Variants in STXBP5L observed in about 807,000 individuals in gnomAD.
The protein encoded by STXBP5L is syntaxin binding protein 5L.
Under a neutral mutation model 144.5 loss-of-function variants are expected in STXBP5L, and 65 were observed. The observed-to-expected ratio is 0.45, with a 90% CI of 0.37 to 0.55. STXBP5L has a LOEUF of 0.55. Among genes scored for constraint, STXBP5L ranks in the 20% least tolerant of loss-of-function variants. The probability of loss-of-function intolerance (pLI) is 0.00; values close to 1 mark genes in which losing one functional copy is unlikely to be tolerated. For synonymous variants in STXBP5L, 505 were observed against 469.6 expected (o/e 1.08, Z -0.97); for missense variants, 1,298 against 1,405.5 (o/e 0.92, Z 1.22).
intron 2 of STXBP5L, among the ~76,000 whole-genome samples, chr3:120,954,406 C>G (rs1395994101): frequency 6.6e-6 from 1 of 152,028 alleles, no homozygotes; most frequent in Non-Finnish European, 1.5e-5. Context: ...AACTACTGTT[C>G]TGATTTTATA....
intron 5 of STXBP5L, among the ~76,000 whole-genome samples, chr3:121,089,205 T>TC (rs1213355783): frequency 6.6e-6 from 1 of 151,234 alleles, no homozygotes; most frequent in East Asian, 1.9e-4. Flanking sequence ...GTCTCTTTTT[T>TC]CCCATACTTG....
chr3:120,968,629 GT>G (rs1277892305), intron 3 of STXBP5L, among the ~76,000 whole-genome samples: 1 of 152,066 alleles, frequency 6.6e-6, no homozygotes, highest in Non-Finnish European at 1.5e-5. Flanking sequence ...ACATAGATAA[GT>G]TTTTTAGTGG....
intron 2 of STXBP5L, among the ~76,000 whole-genome samples, chr3:120,949,061 C>T (rs925117785): frequency 5.9e-5 from 9 of 151,902 alleles, no homozygotes; most frequent in African/African-American, 1.7e-4. Context: ...CACATCCACG[C>T]CAACATCTAT....
intron 14 of STXBP5L, among the ~76,000 whole-genome samples, chr3:121,246,056 G>C (rs771660622): frequency 6.6e-6 from 1 of 152,138 alleles, no homozygotes; most frequent in Non-Finnish European, 1.5e-5. Context: ...CAACCCCTGG[G>C]CTGCAGACCA....
At chr3:121,127,112 A>G (rs2044743704) in intron 7 of STXBP5L, among the ~76,000 whole-genome samples, 1 of 148,572 alleles carries the variant, frequency 6.7e-6, no homozygotes, top group African/African-American at 2.6e-5. Flanking sequence ...TTACTGATTT[A>G]CCAAATCCCA....
chr3:121,352,540 A>T (rs576393266), intron 20 of STXBP5L, among the ~76,000 whole-genome samples: 3 of 152,208 alleles, frequency 2.0e-5, no homozygotes, highest in East Asian at 1.9e-4. Flanking sequence ...TTTTGTATCC[A>T]GAGACTTTGC....
At chr3:121,244,630 T>C (rs2049782139) in intron 14 of STXBP5L, among the ~76,000 whole-genome samples, 1 of 152,038 alleles carries the variant, frequency 6.6e-6, no homozygotes. Context: ...AGAGACACAT[T>C]ATAATCAAAC....
At chr3:121,030,864 G>A (rs527776025) in intron 3 of STXBP5L, among the ~76,000 whole-genome samples, 1 of 152,126 alleles carries the variant, frequency 6.6e-6, no homozygotes, top group East Asian at 1.9e-4. Context: ...TAAAGCAATA[G>A]CTCCCCTCTC....
intron 5 of STXBP5L, among the ~76,000 whole-genome samples, chr3:121,096,536 T>C (rs1018757734): frequency 6.6e-6 from 1 of 152,156 alleles, no homozygotes; most frequent in Non-Finnish European, 1.5e-5. Flanking sequence ...TCTGATGGGG[T>C]CTTTGAGTGG....
chr3:121,065,502 AAC>A (rs1307289235), intron 5 of STXBP5L, among the ~76,000 whole-genome samples: 1 of 152,208 alleles, frequency 6.6e-6, no homozygotes, highest in Non-Finnish European at 1.5e-5. Flanking sequence ...TTAGTGACTT[AAC>A]ACACATTTAT....
chr3:121,397,053 C>G (rs1287180896), intron 22 of STXBP5L, among the ~76,000 whole-genome samples: 3 of 152,218 alleles, frequency 2.0e-5, no homozygotes, highest in Admixed American at 2.0e-4. Context: ...TATAGGGTGT[C>G]TGGAAAACTT....
At chr3:121,120,542 T>C (rs528609834) in intron 6 of STXBP5L, among the ~76,000 whole-genome samples, 13 of 151,390 alleles carry the variant, frequency 8.6e-5, no homozygotes, top group African/African-American at 2.9e-4. Context: ...TCTGCACAAT[T>C]ATTCAGTAAG....
At chr3:121,305,273 C>T (rs931546049) in intron 19 of STXBP5L, among the ~76,000 whole-genome samples, 1 of 152,060 alleles carries the variant, frequency 6.6e-6, no homozygotes, top group Non-Finnish European at 1.5e-5. Context: ...GCAAATTCTT[C>T]CAGGAAATAA....
At chr3:121,034,366 C>A (rs956626041) in intron 3 of STXBP5L, among the ~76,000 whole-genome samples, 1 of 152,080 alleles carries the variant, frequency 6.6e-6, no homozygotes, top group African/African-American at 2.4e-5. Flanking sequence ...TAACTCCCAT[C>A]TATAAGTGAG....
At chr3:120,973,114 C>T (rs1940471670) in intron 3 of STXBP5L, among the ~76,000 whole-genome samples, 1 of 151,902 alleles carries the variant, frequency 6.6e-6, no homozygotes, top group South Asian at 2.1e-4. Context: ...ATTCCCTTCT[C>T]GATATTTTGG....
intron 8 of STXBP5L, among the ~76,000 whole-genome samples, chr3:121,153,723 T>A (rs1478573313): frequency 1.3e-5 from 2 of 151,874 alleles, no homozygotes; most frequent in Non-Finnish European, 2.9e-5. Flanking sequence ...GGTAAAAAAA[T>A]GTTTAGAAAT....
Position 121,127,878 on chromosome 3 carries a change from T to C in STXBP5L, c.669+6174T>C, listed in dbSNP as rs1046034552. Among the ~76,000 whole-genome samples the C allele has an allele frequency of 1.2e-4, 18 of 152,064 alleles. 1 individual carries two copies. Among genetic ancestry groups the C allele is most frequent in the Admixed American group, 7.9e-4 (12 of 15,226 alleles). ...TTTCTGGAGGAGAACAGTTTCCCTT[T>C]TCTGGGTGACCGTGTAATGACTTCA... On this transcript the variant is annotated intron_variant, in intron 7 of 26. Coordinates refer to ENST00000471454, the MANE Select transcript of STXBP5L (RefSeq NM_001308330.2).
chr3:121,319,621 C>A (rs2043902621), intron 20 of STXBP5L, among the ~76,000 whole-genome samples: 1 of 152,128 alleles, frequency 6.6e-6, no homozygotes, highest in South Asian at 2.1e-4. Flanking sequence ...GTATTTATTG[C>A]CTCATACCTA....
chr3:121,190,622 C>T (rs895347688), intron 9 of STXBP5L, among the ~76,000 whole-genome samples: 14 of 151,702 alleles, frequency 9.2e-5, no homozygotes, highest in South Asian at 2.1e-4. Flanking sequence ...ACTTCCCAGA[C>T]GGGGCAGCCA....
Sources: allele counts gnomAD v4.1 joint callset (sites outside exome capture counted in the v4.1 genomes callset), GRCh38; gene constraint gnomAD v4.1.1; transcripts MANE v1.5; gene names NCBI Gene and HGNC (gene_info 2026-07-23, HGNC 2026-07-21).